CFAP74: variants seen among roughly 807,000 people sequenced by gnomAD.
The protein encoded by CFAP74 is cilia- and flagella-associated protein 74.
In CFAP74, 124 loss-of-function variants were observed where a neutral mutation model predicts 188.9. The observed-to-expected ratio is 0.66, with a 90% CI of 0.57 to 0.76. CFAP74 has a LOEUF of 0.76. Among genes scored for constraint, CFAP74 ranks in the 30% least tolerant of loss-of-function variants. The pLI is 0.00. For missense variants in CFAP74, 2,198 were observed against 2,165.2 expected (o/e 1.02, Z -0.30); for synonymous variants, 956 against 916.7 (o/e 1.04, Z -0.77).
intron 6 of CFAP74, among the ~76,000 whole-genome samples, chr1:1,982,070 T>C (rs867921594): frequency 1.5e-4 from 8 of 53,550 alleles, no homozygotes; most frequent in East Asian, 7.0e-4. Flanking sequence ...CACCCAGCCG[T>C]GGTCACATGC....
Position 1,985,451 on chromosome 1 carries a change from C to G in CFAP74, c.435G>C (p.Leu145=). 6.2e-7 allele frequency: 1 copy of G among 1,613,872 alleles called. No individual in the cohort carries two copies. The change falls in exon 6 of 39, where the codon CTG becomes CTC. Residue 145 remains leucine, a synonymous_variant. Coordinates refer to ENST00000682832, the MANE Select transcript of CFAP74 (RefSeq NM_001304360.2). Reference sequence around the variant, plus strand: ...CTCTCTCGTTCTCCAGCTCTGCAAACAGGCGTCTGGACACGGCCTGGAGGC... The same window carrying G: ...CTCTCTCGTTCTCCAGCTCTGCAAAGAGGCGTCTGGACACGGCCTGGAGGC... The part of the protein sequence containing the change: ...VGRLQAVSRR[L]FAELENERDL...
intron 21 of CFAP74, among the ~76,000 whole-genome samples, chr1:1,943,696 C>T (rs1457660333): frequency 1.3e-5 from 2 of 152,328 alleles, no homozygotes; most frequent in African/African-American, 2.4e-5. Context: ...GGACTCTGGC[C>T]GGGCCCAGGC....
chr1:1,994,017 T>A (rs1411777760), intron 1 of CFAP74, among the ~76,000 whole-genome samples: 1 of 151,334 alleles, frequency 6.6e-6, no homozygotes, highest in Non-Finnish European at 1.5e-5. Flanking sequence ...TAAAAAAATG[T>A]AGCCAGGCGT....
At chr1:1,955,263 AGGGCAGGAGGCATG>A (rs1654509460) in intron 18 of CFAP74, 1 of 1,293,024 alleles carries the variant, frequency 7.7e-7, no homozygotes. Context: ...GGCGGGCTGC[AGGGCAGGAGGCATG>A]GGGAGGGCAG....
rs919604808 is a variant in CFAP74, at chr1:1,968,889, C to T, written c.1047-56G>A. 17 of 1,561,094 alleles carry T rather than the reference C, an allele frequency of 1.1e-5. No individual in the cohort carries two copies. The African/African-American group carries it at 1.6e-4, about 15-fold the overall frequency. ...AGAGGTCCCCTGCCTCCACCTTGCC[C>T]CAGATGAGACAGTGCCCGGCGGCCC... is the stretch of plus-strand genomic sequence containing the variant. On this transcript the variant is annotated intron_variant, in intron 10 of 38. Transcript: ENST00000682832. This position sits in a 1 kb window ranked among gnomAD's most constrained non-coding sequence, Gnocchi z 4.3.
rs774313250 is a variant in CFAP74 at position 1,923,877 on chromosome 1, G to A, written c.4287C>T (p.Gly1429=). ...QSVFSVAPVK[G]VMDPGKTQDF... ...CTTGTGTCTTCCCGGGGTCCATGAC[G>A]CCCTTGACGGGGGCCACGCTGAACA... The change falls in exon 35 of 39, where the codon GGC becomes GGT. Residue 1429 remains glycine, a synonymous_variant. Coordinates refer to ENST00000682832, the MANE Select transcript of CFAP74 (RefSeq NM_001304360.2). The surrounding 1 kb of genome is among the most constrained non-coding windows in gnomAD (Gnocchi z 6.3). 23 of 1,612,970 alleles carry A rather than the reference G, an allele frequency of 1.4e-5. No individual in the cohort carries two copies. The East Asian group carries it at 1.8e-4, about 13-fold the overall frequency.
chr1:1,931,552 C>A (rs898520255), intron 25 of CFAP74, among the ~76,000 whole-genome samples: 1 of 146,252 alleles, frequency 6.8e-6, no homozygotes, highest in Non-Finnish European at 1.5e-5. Context: ...CTGGCTAACA[C>A]GGCGAAACCC....
Position 1,938,865 on chromosome 1 carries a change from C to G in CFAP74, c.3001G>C (p.Glu1001Gln). Residue 1001 changes from glutamate to glutamine, a missense_variant, in exon 25 of 39, where the codon GAG becomes CAG. Glu to Gln is a conservative substitution (Grantham distance 29). Transcript: ENST00000682832. ...EHRFQLTCKS[E>Q]INRCFKLSCR... ...CCCTGGCAGGCTCACCGGTTGATCT[C>G]AGACTTGCAGGTCAGTTGGAATCTG... 6.5e-7 allele frequency: 1 copy of G among 1,536,160 alleles called. No homozygotes were observed. Among genetic ancestry groups the G allele is most frequent in the Non-Finnish European group, 8.7e-7 (1 of 1,146,906 alleles).
In CFAP74 at chr1:1,923,909, G is replaced by A. The variant is rs1198865379; in HGVS notation, c.4255C>T (p.Gln1419Ter). 12 of 1,611,542 alleles carry A rather than the reference G, an allele frequency of 7.4e-6. No homozygotes were observed. Among genetic ancestry groups the A allele is most frequent in the Non-Finnish European group, 1.0e-5 (12 of 1,179,018 alleles). ...ACGGGGGCCACGCTGAACACGCTCT[G>A]ACCGTTGAGATTCTGCGTCCCTGCG... ...EVVGTQNLNG[Q>*]SVFSVAPVKG... is the part of the protein sequence containing the mutation. Residue 1419 changes from glutamine (Q) to a stop codon, truncating the protein, a stop_gained, in exon 35 of 39, where the codon CAG becomes TAG. Transcript: ENST00000682832. LOFTEE classifies it high-confidence loss of function. The surrounding 1 kb of genome is among the most constrained non-coding windows in gnomAD (Gnocchi z 6.3).
At chr1:1,928,716 G>A in intron 27 of CFAP74, 68 bp downstream of exon 27, 5 of 1,218,658 alleles carry the variant, frequency 4.1e-6, no homozygotes, top group Non-Finnish European at 5.8e-6. Flanking sequence ...GGACTCGAAG[G>A]CGGTGGAGTT....
chr1:1,926,518 A>G lies in CFAP74; in HGVS notation c.3773-6T>C. ...CTTCTTGATACTGCGGTGCCCTGAA[A>G]TGGGGCAGGGAGCGTCAGGCCCCAG... On this transcript the variant is annotated splice_polypyrimidine_tract_variant and splice_region_variant and intron_variant, in intron 30 of 38. Coordinates refer to ENST00000682832, the MANE Select transcript of CFAP74 (RefSeq NM_001304360.2). 1 of 1,549,996 alleles carries G rather than the reference A, an allele frequency of 6.5e-7. No individual in the cohort carries two copies. The highest frequency in any genetic ancestry group is 8.7e-7 in the Non-Finnish European group (1 of 1,146,838).
chr1:1,955,049 C>A, intron 18 of CFAP74: 1 of 1,261,906 alleles, frequency 7.9e-7, no homozygotes, highest in Non-Finnish European at 1.0e-6. Flanking sequence ...AAGTGCGGCT[C>A]ACACCGGAAG....
At chr1:1,929,755 C>A (rs1012277582) in intron 26 of CFAP74, among the ~76,000 whole-genome samples, 1 of 151,908 alleles carries the variant, frequency 6.6e-6, no homozygotes, top group Non-Finnish European at 1.5e-5. Context: ...CTTCCCCAGT[C>A]TCAACCTGGG....
chr1:1,977,503 G>T (rs1656525225), intron 6 of CFAP74, among the ~76,000 whole-genome samples: 1 of 152,186 alleles, frequency 6.6e-6, no homozygotes, highest in Non-Finnish European at 1.5e-5. Flanking sequence ...TGGCCCAGAT[G>T]CTCCCAGGGG....
Position 1,968,149 on chromosome 1 carries a change from ATGAG to A in CFAP74, c.1245+482_1245+485del, listed in dbSNP as rs1404497578. On this transcript the variant is annotated intron_variant, in intron 11 of 38. Transcript: ENST00000682832. The surrounding 1 kb of genome is among the most constrained non-coding windows in gnomAD (Gnocchi z 4.3). ...GAGTGAGTGAATGAATGAAGAAAGA[ATGAG>A]TGAGTGAACGAATAAAGGATGAGTG... is the stretch of plus-strand genomic sequence containing the variant. Among the ~76,000 whole-genome samples the A allele has an allele frequency of 2.6e-5, 4 of 152,058 alleles. No homozygotes were observed. Among genetic ancestry groups the A allele is most frequent in the Non-Finnish European group, 4.4e-5 (3 of 67,988 alleles).
intron 1 of CFAP74, among the ~76,000 whole-genome samples, chr1:1,998,001 G>T (rs549876373): frequency 6.6e-6 from 1 of 152,346 alleles, no homozygotes; most frequent in East Asian, 1.9e-4. Flanking sequence ...ATGTGGGCCG[G>T]GCGTGGTGGC....
intron 6 of CFAP74, among the ~76,000 whole-genome samples, chr1:1,979,566 A>G (rs140484778): frequency 0.019 from 1,770 of 95,262 alleles, 255 homozygotes; most frequent in Non-Finnish European, 0.025. Flanking sequence ...GGAAGGTGTC[A>G]CGTGACGAGG....
At chr1:1,980,569 G>GGGTC (rs1477481574) in intron 6 of CFAP74, among the ~76,000 whole-genome samples, 1 of 152,244 alleles carries the variant, frequency 6.6e-6, no homozygotes, top group Non-Finnish European at 1.5e-5. Context: ...TGAGCGGGCA[G>GGGTC]GGTCGTCTCT....
intron 1 of CFAP74, among the ~76,000 whole-genome samples, chr1:1,998,068 A>G (rs1379804909): frequency 6.6e-6 from 1 of 152,188 alleles, no homozygotes; most frequent in Non-Finnish European, 1.5e-5. Flanking sequence ...ACCTGAGGTC[A>G]GGAGTTCGAG....
Sources: allele counts gnomAD v4.1 joint callset (sites outside exome capture counted in the v4.1 genomes callset), GRCh38; gene constraint gnomAD v4.1.1; non-coding constraint Gnocchi (gnomAD v3.1); transcripts MANE v1.5; gene names NCBI Gene and HGNC (gene_info 2026-07-23, HGNC 2026-07-21).